ZNF675: variants seen among roughly 807,000 people sequenced by gnomAD.
ZNF675 encodes TRAF6 inhibitory zinc finger.
Under a neutral mutation model 56.1 loss-of-function variants are expected in ZNF675, and 36 were observed. The observed-to-expected ratio is 0.64, with a 90% CI of 0.49 to 0.85. ZNF675 has a LOEUF of 0.85. Ranked by LOEUF, ZNF675 falls within the 40% of genes least tolerant of loss-of-function variation. The pLI, the probability that ZNF675 is intolerant of heterozygous loss-of-function variation, is 0.00. For missense variants in ZNF675, 663 were observed against 654.2 expected (o/e 1.01, Z -0.15); for synonymous variants, 200 against 218.9 (o/e 0.91, Z 0.76).
intron 3 of ZNF675, among the ~76,000 whole-genome samples, chr19:23,658,930 CCGAT>C (rs1968037205): frequency 4.2e-4 from 6 of 14,178 alleles, no homozygotes; most frequent in Admixed American, 7.0e-4. Context: ...TCTATAGATA[CCGAT>C]CTATAGATAT....
intron 1 of ZNF675, among the ~76,000 whole-genome samples, chr19:23,675,372 G>C (rs1968282331): frequency 6.6e-6 from 1 of 150,838 alleles, no homozygotes; most frequent in African/African-American, 2.5e-5. Context: ...AATATCTATA[G>C]AACTCTCCAT....
chr19:23,662,471 A>G (rs935634767), intron 2 of ZNF675, among the ~76,000 whole-genome samples: 36 of 152,192 alleles, frequency 2.4e-4, no homozygotes, highest in African/African-American at 8.7e-4. Context: ...ATGCCACTAA[A>G]CTTCTGAAAT....
At position 23,654,440 on chromosome 19, in the gene ZNF675, T is replaced by C. The variant is rs1444649154; in HGVS notation, c.493A>G (p.Lys165Glu). Residue 165 changes from lysine to glutamate, a missense_variant, in exon 4 of 4, where the codon AAA becomes GAA. Lys to Glu is a moderately conservative substitution (Grantham distance 56). Coordinates refer to ENST00000359788, the MANE Select transcript of ZNF675 (RefSeq NM_138330.3). The part of the protein sequence containing the change: ...KFSHSDRHKI[K>E]HMENKPFKCK... Reference sequence around the variant, plus strand: ...TTGAAAGGTTTATTTTCCATATGTTTTATCTTATGTCTATCTGAATGTGAA... The same window carrying C: ...TTGAAAGGTTTATTTTCCATATGTTCTATCTTATGTCTATCTGAATGTGAA... 2 of 1,606,278 alleles carry C rather than the reference T, an allele frequency of 1.2e-6. No homozygotes were observed. Among genetic ancestry groups the C allele is most frequent in the Admixed American group, 3.4e-5 (2 of 57,978 alleles).
At chr19:23,676,987 T>G (rs1968304615) in intron 1 of ZNF675, among the ~76,000 whole-genome samples, 1 of 147,436 alleles carries the variant, frequency 6.8e-6, no homozygotes, top group African/African-American at 2.6e-5. Flanking sequence ...GGCAAGAGAA[T>G]GGCGGCGTTA....
At chr19:23,663,007 A>C (rs377039786) in intron 2 of ZNF675, 25 bp downstream of exon 2, 78 of 1,547,460 alleles carry the variant, frequency 5.0e-5, no homozygotes, top group Non-Finnish European at 6.4e-5. Context: ...AAAAAAAAGA[A>C]ACTGTGTGTT....
Position 23,654,058 on chromosome 19 carries a change from G to A in ZNF675, c.875C>T (p.Ala292Val), listed in dbSNP as rs750709139. The A allele has an allele frequency of 1.9e-6, 3 of 1,613,582 alleles. No individual in the cohort carries two copies. The African/African-American group carries it at 4.0e-5, about 22-fold the overall frequency. Residue 292 changes from alanine to valine, a missense_variant, in exon 4 of 4, where the codon GCC becomes GTC. Ala to Val is a moderately conservative substitution (Grantham distance 64). Transcript: ENST00000359788. ...KPYKCEECGK[A>V]FNQFSNLTTH... is the part of the protein sequence containing the mutation. Reference sequence around the variant, plus strand: ...AGTAAGATTTGAGAACTGGTTAAAGGCTTTGCCACATTCTTCACATTTGTA... The same window carrying A: ...AGTAAGATTTGAGAACTGGTTAAAGACTTTGCCACATTCTTCACATTTGTA...
intron 1 of ZNF675, among the ~76,000 whole-genome samples, chr19:23,667,980 A>G (rs1226233807): frequency 6.6e-6 from 1 of 151,416 alleles, no homozygotes; most frequent in East Asian, 2.0e-4. Flanking sequence ...CAGAGCAGCT[A>G]GACACAGAGT....
Position 23,653,094 on chromosome 19 carries a change from T to C in ZNF675, c.*132A>G. 1 of 837,596 alleles carries C rather than the reference T, an allele frequency of 1.2e-6. No homozygotes were observed. The highest frequency in any genetic ancestry group is 2.7e-5 in the East Asian group (1 of 36,484). The allele number at this position is 837,596 out of a possible 1,614,324, so 51.9% of individuals were successfully genotyped here. On this transcript the variant is annotated 3_prime_UTR_variant, in exon 4 of 4. Coordinates refer to ENST00000359788, the MANE Select transcript of ZNF675 (RefSeq NM_138330.3). ...TTCACACTTGTAGTTTTCTCCAGTA[T>C]GAATTATCTTACATACAATGAAGTG...
chr19:23,653,155 A>G lies in ZNF675; in HGVS notation c.*71T>C, dbSNP rs1008189592. The stretch of plus-strand genomic sequence containing the variant: ...TTAAAGTCTTTGACACATTCTTTAC[A>G]TTTCTAGAATTTTTCACCAGTATGA... On this transcript the variant is annotated 3_prime_UTR_variant, in exon 4 of 4. Coordinates refer to ENST00000359788, the MANE Select transcript of ZNF675 (RefSeq NM_138330.3). 1.5e-6 allele frequency: 2 copies of G among 1,378,458 alleles called. No individual in the cohort carries two copies. The highest frequency in any genetic ancestry group is 2.9e-5 in the African/African-American group (2 of 68,998). 85.4% of individuals were successfully genotyped at this position (1,378,458 alleles called of 1,614,324 possible).
Position 23,653,374 on chromosome 19 carries a change from G to A in ZNF675, c.1559C>T (p.Ser520Phe). The A allele has an allele frequency of 1.2e-6, 2 of 1,613,552 alleles. No homozygotes were observed. The highest frequency in any genetic ancestry group is 1.7e-6 in the Non-Finnish European group (2 of 1,179,954). The change falls in exon 4 of 4, where the codon TCC (serine) becomes TTC (phenylalanine). Residue 520 changes from serine (S) to phenylalanine (F), a missense_variant. By Grantham distance (155) the Ser-to-Phe change is radical. Coordinates refer to ENST00000359788, the MANE Select transcript of ZNF675 (RefSeq NM_138330.3). ...TATCTTATGTTCAGTAAGTTTTGAG[G>A]ATCGGCTAAAAGCTTTGCCACATTC... Reference protein sequence around the residue: ...CEECGKAFSRSSKLTEHKIIH... With the variant: ...CEECGKAFSRFSKLTEHKIIH...
intron 1 of ZNF675, among the ~76,000 whole-genome samples, chr19:23,682,503 C>T (rs1403962780): frequency 6.6e-6 from 1 of 151,708 alleles, no homozygotes; most frequent in East Asian, 1.9e-4. Context: ...AGCACTTTTT[C>T]ATTTTAACCT....
In ZNF675 at chr19:23,677,163, T is replaced by C. The variant is rs372751846; in HGVS notation, c.3+9868A>G. Among the ~76,000 whole-genome samples the C allele has an allele frequency of 2.1e-4, 31 of 150,104 alleles. 2 individuals are homozygous for C. Among genetic ancestry groups the C allele is most frequent in the African/African-American group, 7.7e-4 (31 of 40,496 alleles). ...CTTCTCTCACCACTCCTATTAAACA[T>C]GGAATTTTGAAGTCCTGGCTGAGCA... On this transcript the variant is annotated intron_variant, in intron 1 of 3. Coordinates refer to ENST00000359788, the MANE Select transcript of ZNF675 (RefSeq NM_138330.3).
chr19:23,680,105 G>A (rs1400609071), intron 1 of ZNF675, among the ~76,000 whole-genome samples: 3 of 151,106 alleles, frequency 2.0e-5, no homozygotes, highest in East Asian at 1.9e-4. Flanking sequence ...TCAAGAGATC[G>A]AGACCATCTG....
At chr19:23,660,145 T>TA in intron 3 of ZNF675, among the ~76,000 whole-genome samples, 1 of 152,208 alleles carries the variant, frequency 6.6e-6, no homozygotes, top group East Asian at 1.9e-4. Context: ...ACAAGCCAAC[T>TA]AAAGGCAGAC....
intron 3 of ZNF675, among the ~76,000 whole-genome samples, chr19:23,661,195 A>G (rs979497853): frequency 1.3e-5 from 2 of 152,060 alleles, no homozygotes; most frequent in Non-Finnish European, 2.9e-5. Context: ...ATGAATGCAC[A>G]CATCACAAAG....
chr19:23,676,207 A>G lies in ZNF675; in HGVS notation c.3+10824T>C, dbSNP rs115856974. 7.3e-3 allele frequency among the ~76,000 whole-genome samples: 1,106 copies of G among 151,804 alleles called. 41 individuals are homozygous for G. The highest frequency in any genetic ancestry group is 0.025 in the African/African-American group (1,047 of 41,144). ...AAAAAGCTCCAAAATCAAATTAATA[A>G]TAAGTAGCCTACCAACCAAAAAAAG... On this transcript the variant is annotated intron_variant, in intron 1 of 3. Coordinates refer to ENST00000359788, the MANE Select transcript of ZNF675 (RefSeq NM_138330.3).
intron 1 of ZNF675, among the ~76,000 whole-genome samples, chr19:23,667,481 C>T (rs1024936222): frequency 4.6e-5 from 7 of 152,136 alleles, no homozygotes; most frequent in Non-Finnish European, 8.8e-5. Flanking sequence ...TGATTGGTGC[C>T]TTTACAATCC....
intron 1 of ZNF675, among the ~76,000 whole-genome samples, chr19:23,674,462 G>A (rs899219944): frequency 6.6e-6 from 1 of 150,940 alleles, no homozygotes; most frequent in African/African-American, 2.5e-5. Flanking sequence ...GGCCAACATG[G>A]GGAAACCACA....
At chr19:23,676,793 G>A (rs902643449) in intron 1 of ZNF675, among the ~76,000 whole-genome samples, 11 of 149,398 alleles carry the variant, frequency 7.4e-5, no homozygotes, top group African/African-American at 1.2e-4. Context: ...GGCACAAGAC[G>A]GCCGGGCGCG....
Sources: gnomAD v4.1 joint callset for allele counts (sites outside exome capture counted in the v4.1 genomes callset) on GRCh38, gnomAD v4.1.1 for gene constraint, MANE v1.5 for transcripts, NCBI Gene and HGNC (gene_info 2026-07-23, HGNC 2026-07-21) for gene names.